Variants in RBMS1 observed in about 807,000 individuals in gnomAD.
RBMS1 encodes RNA-binding motif, single-stranded-interacting protein 1.
In RBMS1, 17 loss-of-function variants were observed where a neutral mutation model predicts 62.3. The ratio of observed to expected loss-of-function variants is 0.27; its 90% confidence interval spans 0.19 to 0.41. The LOEUF (loss-of-function observed/expected upper bound fraction) is 0.41, where lower values mean the gene tolerates loss of function less well. Among genes scored for constraint, RBMS1 ranks in the 10% least tolerant of loss-of-function variants. The pLI is 1.00. For synonymous variants in RBMS1, 172 were observed against 170.0 expected (o/e 1.01, Z -0.09); for missense variants, 334 against 504.5 (o/e 0.66, Z 3.24).
chr2:160,287,544 G>A (rs1020731), intron 6 of RBMS1, among the ~76,000 whole-genome samples: 105,055 of 152,112 alleles, frequency 0.69, 36,857 homozygotes, highest in East Asian at 0.8. Flanking sequence ...TACACTGCTC[G>A]CACATATATT....
chr2:160,476,393 G>A (rs1685129090), intron 1 of RBMS1, among the ~76,000 whole-genome samples: 1 of 152,004 alleles, frequency 6.6e-6, no homozygotes, highest in African/African-American at 2.4e-5. Context: ...TGTATTTGAA[G>A]CAGAAGCATT....
rs1297393071 is a variant in RBMS1 at position 160,391,285 on chromosome 2, AT to A, written c.76-23895del. ...CAGGCAGGCACACAGACAGAATGTCATGTGAAGACGAGTTATGTTGCCACAA... is the reference window on the plus strand; with the variant it reads ...CAGGCAGGCACACAGACAGAATGTCAGTGAAGACGAGTTATGTTGCCACAA... On this transcript the variant is annotated intron_variant, in intron 1 of 13. Coordinates refer to ENST00000348849, the MANE Select transcript of RBMS1 (RefSeq NM_016836.4). 3.3e-5 allele frequency among the ~76,000 whole-genome samples: 5 copies of A among 151,422 alleles called. No individual in the cohort carries two copies. In the East Asian group the frequency reaches 9.7e-4, roughly 29 times the overall value.
intron 1 of RBMS1, among the ~76,000 whole-genome samples, chr2:160,426,281 GA>G (rs1249685861): frequency 5.4e-4 from 59 of 108,876 alleles, no homozygotes; most frequent in South Asian, 4.0e-3. Flanking sequence ...AAGAAAGAAA[GA>G]AAGAAAGAAA....
chr2:160,382,444 T>C (rs1479418100), intron 1 of RBMS1, among the ~76,000 whole-genome samples: 1 of 152,242 alleles, frequency 6.6e-6, no homozygotes, highest in Non-Finnish European at 1.5e-5. Flanking sequence ...AAATTATGAC[T>C]GATAGCAAGA....
chr2:160,449,019 G>C (rs954859922), intron 1 of RBMS1, among the ~76,000 whole-genome samples: 1 of 151,390 alleles, frequency 6.6e-6, no homozygotes, highest in African/African-American at 2.4e-5. Flanking sequence ...GTGTCTGCCC[G>C]GCCACCCTGT....
At chr2:160,420,845 A>G (rs533417294) in intron 1 of RBMS1, among the ~76,000 whole-genome samples, 1 of 152,360 alleles carries the variant, frequency 6.6e-6, no homozygotes, top group African/African-American at 2.4e-5. Flanking sequence ...TCTCTGCTAT[A>G]AAACAAGTTT....
intron 1 of RBMS1, among the ~76,000 whole-genome samples, chr2:160,413,489 T>C (rs1453876992): frequency 6.6e-6 from 1 of 152,216 alleles, no homozygotes; most frequent in Non-Finnish European, 1.5e-5. Context: ...CTGCAATTCT[T>C]ATTCCAAACG....
intron 1 of RBMS1, chr2:160,407,796 A>T: frequency 1.0e-6 from 1 of 981,058 alleles, no homozygotes; most frequent in Non-Finnish European, 1.2e-6. Flanking sequence ...CCTGCGTGCC[A>T]TGGACGGGAG....
intron 1 of RBMS1, among the ~76,000 whole-genome samples, chr2:160,427,113 TA>T (rs1249712610): frequency 6.6e-6 from 1 of 152,202 alleles, no homozygotes; most frequent in Non-Finnish European, 1.5e-5. Context: ...GATGACAAAA[TA>T]ATGATCCATA....
At chr2:160,457,916 C>T (rs1308836250) in intron 1 of RBMS1, among the ~76,000 whole-genome samples, 1 of 151,628 alleles carries the variant, frequency 6.6e-6, no homozygotes, top group Non-Finnish European at 1.5e-5. Context: ...GTTTCTCTGA[C>T]TCATTTTTAA....
rs6432612 is a variant in RBMS1 at position 160,282,774 on chromosome 2, T to C, written c.901-1410A>G. ...CCCTCTGAAAACCTAATTAGGGAAA[T>C]AGAACATTTTTCCCCACTTAATTGC... On this transcript the variant is annotated intron_variant, in intron 9 of 13. Coordinates refer to ENST00000348849, the MANE Select transcript of RBMS1 (RefSeq NM_016836.4). 6.2e-3 allele frequency: 947 copies of C among 153,724 alleles called. 17 individuals are homozygous for C. The highest frequency in any genetic ancestry group is 0.02 in the African/African-American group (818 of 41,544). The allele number at this position is 153,724 out of a possible 1,614,324, so 9.5% of individuals were successfully genotyped here.
At chr2:160,363,499 G>A (rs926950204) in intron 2 of RBMS1, among the ~76,000 whole-genome samples, 24 of 152,090 alleles carry the variant, frequency 1.6e-4, no homozygotes, top group African/African-American at 5.6e-4. Flanking sequence ...TAGTAGAGGA[G>A]CAAATGGTTC....
intron 2 of RBMS1, among the ~76,000 whole-genome samples, chr2:160,357,068 T>G (rs369196797): frequency 1.3e-5 from 2 of 152,134 alleles, no homozygotes; most frequent in African/African-American, 4.8e-5. Context: ...ATAAAGATTT[T>G]AGAGGCTTTT....
intron 2 of RBMS1, among the ~76,000 whole-genome samples, chr2:160,339,087 C>T (rs1691730367): frequency 6.6e-6 from 1 of 152,196 alleles, no homozygotes; most frequent in Non-Finnish European, 1.5e-5. Context: ...TCACATCTCT[C>T]TCCCCAGCGC....
At chr2:160,455,181 C>A (rs10427232) in intron 1 of RBMS1, among the ~76,000 whole-genome samples, 42,912 of 152,094 alleles carry the variant, frequency 0.28, 6,686 homozygotes, top group East Asian at 0.6. Context: ...AATTGAAACT[C>A]AATTTTTTCA....
At chr2:160,370,740 T>G (rs1693680685) in intron 1 of RBMS1, among the ~76,000 whole-genome samples, 1 of 152,252 alleles carries the variant, frequency 6.6e-6, no homozygotes, top group Non-Finnish European at 1.5e-5. Flanking sequence ...TCTATTTGTA[T>G]TCTTTCATTT....
chr2:160,440,783 T>C lies in RBMS1; in HGVS notation c.75+52506A>G, dbSNP rs183065116. Among the ~76,000 whole-genome samples the C allele has an allele frequency of 3.9e-5, 6 of 152,348 alleles. No individual in the cohort carries two copies. In the East Asian group the frequency reaches 1.2e-3, roughly 29 times the overall value. ...AGCTATCACCTTCTCCCAAGAAATC[T>C]CACTTACAACATCTTCTCACATCCT... On this transcript the variant is annotated intron_variant, in intron 1 of 13. Coordinates refer to ENST00000348849, the MANE Select transcript of RBMS1 (RefSeq NM_016836.4).
chr2:160,454,703 G>C (rs2105323789), intron 1 of RBMS1, among the ~76,000 whole-genome samples: 1 of 152,290 alleles, frequency 6.6e-6, no homozygotes, highest in South Asian at 2.1e-4. Flanking sequence ...CTAAGGAGCT[G>C]GTCCTGTGAA....
intron 2 of RBMS1, among the ~76,000 whole-genome samples, chr2:160,364,242 T>C (rs1693280296): frequency 1.3e-5 from 2 of 152,232 alleles, no homozygotes; most frequent in Non-Finnish European, 2.9e-5. Flanking sequence ...GCTGGTTAAC[T>C]GTACTGATAT....
Sources: gnomAD v4.1 joint callset for allele counts (sites outside exome capture counted in the v4.1 genomes callset) on GRCh38, gnomAD v4.1.1 for gene constraint, MANE v1.5 for transcripts, NCBI Gene and HGNC (gene_info 2026-07-23, HGNC 2026-07-21) for gene names.